The following BRSK2 variants were observed in gnomAD, a reference collection of about 807,000 sequenced individuals.
The protein encoded by BRSK2 is BR serine/threonine kinase 2, also known as serine/threonine-protein kinase BRSK2.
Under a neutral mutation model 83.3 loss-of-function variants are expected in BRSK2, and 19 were observed. That is an observed-to-expected ratio of 0.23 (90% CI 0.16 to 0.33). BRSK2 has a LOEUF of 0.33. BRSK2 is among the 10% of genes least tolerant of loss of function. The pLI, the probability that BRSK2 is intolerant of heterozygous loss-of-function variation, is 1.00. For synonymous variants in BRSK2, 519 were observed against 435.4 expected (o/e 1.19, Z -2.39); for missense variants, 798 against 1,042.3 (o/e 0.77, Z 3.23).
rs371947756 is a variant in BRSK2 at position 1,436,606 on chromosome 11, G to A, written c.186+472G>A. 9.2e-3 allele frequency among the ~76,000 whole-genome samples: 1,397 copies of A among 152,284 alleles called. 23 individuals are homozygous for A. Among genetic ancestry groups the A allele is most frequent in the African/African-American group, 0.031 (1,298 of 41,562 alleles). On this transcript the variant is annotated intron_variant, in intron 2 of 19. Coordinates refer to ENST00000528841, the MANE Select transcript of BRSK2 (RefSeq NM_001256627.2). ...CATGGAGACCAGGCAGGCCCCCTGG[G>A]TGGAGGGTTTCTGGGCTGTGACCCA...
chr11:1,459,842 TC>T (rs386749682), intron 19 of BRSK2, among the ~76,000 whole-genome samples: 5 of 152,100 alleles, frequency 3.3e-5, no homozygotes, highest in African/African-American at 1.2e-4. Context: ...TCCATGCTTG[TC>T]CACCCATCTG....
chr11:1,459,515 C>T (rs1270599047), intron 19 of BRSK2: 1 of 499,090 alleles, frequency 2.0e-6, no homozygotes. Context: ...AGGCCTGAAG[C>T]CAGTGAGGGT....
At chr11:1,419,594 G>A (rs1287522196) in intron 1 of BRSK2, among the ~76,000 whole-genome samples, 2 of 152,176 alleles carry the variant, frequency 1.3e-5, no homozygotes, top group East Asian at 3.8e-4. Context: ...TAGCACACTG[G>A]TGCAATCAAC....
intron 1 of BRSK2, among the ~76,000 whole-genome samples, chr11:1,404,324 C>A (rs911594939): frequency 3.3e-5 from 5 of 152,228 alleles, no homozygotes; most frequent in Non-Finnish European, 5.9e-5. Context: ...TTTCCTGACC[C>A]TGCTCTCCTA....
intron 5 of BRSK2, 56 bp from the exon 6 acceptor site, chr11:1,443,050 G>C: frequency 6.6e-7 from 1 of 1,515,860 alleles, no homozygotes; most frequent in Non-Finnish European, 8.8e-7. Context: ...ATCACCCTGG[G>C]GGGAGGGCCT....
chr11:1,445,560 G>T lies in BRSK2; in HGVS notation c.978-11G>T. 6.3e-7 allele frequency: 1 copy of T among 1,584,140 alleles called. No individual in the cohort carries two copies. The highest frequency in any genetic ancestry group is 8.6e-7 in the Non-Finnish European group (1 of 1,165,658). On this transcript the variant is annotated splice_polypyrimidine_tract_variant and intron_variant, in intron 10 of 19. Transcript: ENST00000528841. ...TGTGCCAGCGCGTCTCGCGCCTCTC[G>T]CCCGCTGTAGGGAGAACCAGGAGAA...
In BRSK2 at chr11:1,438,446, C is replaced by A; in HGVS notation, c.272+55C>A. 6.5e-7 allele frequency: 1 copy of A among 1,528,628 alleles called. No homozygotes were observed. The highest frequency in any genetic ancestry group is 9.1e-7 in the Non-Finnish European group (1 of 1,104,572). The allele number at this position is 1,528,628 out of a possible 1,614,324, so 94.7% of individuals were successfully genotyped here. ...GTGGCGGAGGTGGCAGCTGTCGCTG[C>A]AGGGGTGGGTGTCTGGGGCTTGGGG... On this transcript the variant is annotated intron_variant, in intron 3 of 19. Transcript: ENST00000528841. The surrounding 1 kb of genome is among the most constrained non-coding windows in gnomAD (Gnocchi z 6.4).
At chr11:1,428,500 G>A (rs938583632) in intron 1 of BRSK2, among the ~76,000 whole-genome samples, 1 of 152,238 alleles carries the variant, frequency 6.6e-6, no homozygotes, top group African/African-American at 2.4e-5. Context: ...AGGGGTGAAG[G>A]GGCCCCACTC....
At chr11:1,444,324 T>C (rs1851734779) in intron 8 of BRSK2, among the ~76,000 whole-genome samples, 1 of 152,112 alleles carries the variant, frequency 6.6e-6, no homozygotes, top group Admixed American at 6.5e-5. Flanking sequence ...GGACCGCACG[T>C]GTCCACTTGA....
At chr11:1,452,975 C>G (rs113282692) in intron 15 of BRSK2, among the ~76,000 whole-genome samples, 1 of 152,320 alleles carries the variant, frequency 6.6e-6, no homozygotes, top group African/African-American at 2.4e-5. Context: ...GGGATGCATG[C>G]GGTTGTCTGG....
At chr11:1,426,892 C>T (rs1849296695) in intron 1 of BRSK2, among the ~76,000 whole-genome samples, 1 of 152,114 alleles carries the variant, frequency 6.6e-6, no homozygotes. Flanking sequence ...GACCACTCCG[C>T]CTGGTGGGAA....
At chr11:1,419,363 G>A (rs575641003) in intron 1 of BRSK2, among the ~76,000 whole-genome samples, 22 of 152,346 alleles carry the variant, frequency 1.4e-4, no homozygotes, top group Non-Finnish European at 2.5e-4. Context: ...TCCAGCCGCT[G>A]GCTGCCCGGG....
rs1846195199 is a variant in BRSK2, at chr11:1,454,244, T to C, written c.1545-241T>C. 2.3e-6 allele frequency: 1 copy of C among 435,240 alleles called. No homozygotes were observed. The highest frequency in any genetic ancestry group is 4.2e-6 in the Non-Finnish European group (1 of 235,352). 27.0% of individuals were successfully genotyped at this position (435,240 alleles called of 1,614,324 possible). ...GGCATATGGGCCAGGGTCAGGGCGT[T>C]AGGGCTTGGAGAAAGGTTAGGGTTG... On this transcript the variant is annotated intron_variant, in intron 15 of 19. Coordinates refer to ENST00000528841, the MANE Select transcript of BRSK2 (RefSeq NM_001256627.2). The surrounding 1 kb of genome is among the most constrained non-coding windows in gnomAD (Gnocchi z 5.2).
At chr11:1,446,071 G>GGCTGGGCTGGGCTGGGCTTA (rs1268201394) in intron 12 of BRSK2, among the ~76,000 whole-genome samples, 164 bp downstream of exon 12, 1 of 144,082 alleles carries the variant, frequency 6.9e-6, no homozygotes, top group African/African-American at 2.7e-5. Flanking sequence ...GGCTGGGCTT[G>GGCTGGGCTGGGCTGGGCTTA]GCTGGGCTGG....
chr11:1,395,565 CGTT>C (rs1564790024), intron 1 of BRSK2, among the ~76,000 whole-genome samples: 1 of 152,186 alleles, frequency 6.6e-6, no homozygotes, highest in African/African-American at 2.4e-5. Flanking sequence ...GCGGGAGGGT[CGTT>C]GGAGGCGGGA....
At chr11:1,427,548 G>A (rs117910326) in intron 1 of BRSK2, among the ~76,000 whole-genome samples, 3,587 of 152,244 alleles carry the variant, frequency 0.024, 58 homozygotes, top group Non-Finnish European at 0.033. Context: ...TGTGGGGGGC[G>A]CAGGGAGACC....
chr11:1,397,237 CAGGCTG>C (rs1846188002), intron 1 of BRSK2, among the ~76,000 whole-genome samples: 1 of 152,214 alleles, frequency 6.6e-6, no homozygotes, highest in African/African-American at 2.4e-5. Flanking sequence ...TCCGCCGGGC[CAGGCTG>C]CCCTGAGCCA....
Position 1,456,337 on chromosome 11 carries a change from T to C in BRSK2, c.1669-11T>C. The C allele has an allele frequency of 6.5e-6, 10 of 1,549,274 alleles. No individual in the cohort carries two copies. Among genetic ancestry groups the C allele is most frequent in the Non-Finnish European group, 8.7e-6 (10 of 1,147,194 alleles). ...CAGGCCAGCCACGCTCACGCTGCTC[T>C]CTCTCCACAGATTCCCAGTCTCAGC... On this transcript the variant is annotated splice_polypyrimidine_tract_variant and intron_variant, in intron 16 of 19. Transcript: ENST00000528841.
chr11:1,456,870 GGC>G (rs1846630150), intron 18 of BRSK2, 183 bp downstream of exon 18: 23 of 1,483,918 alleles, frequency 1.5e-5, no homozygotes, highest in Non-Finnish European at 2.1e-5. Flanking sequence ...TCCCTGGCCT[GGC>G]GGGACCACCC....
Sources: gnomAD v4.1 joint callset for allele counts (sites outside exome capture counted in the v4.1 genomes callset) on GRCh38, gnomAD v4.1.1 for gene constraint, Gnocchi (gnomAD v3.1) non-coding constraint, MANE v1.5 for transcripts, NCBI Gene and HGNC (gene_info 2026-07-23, HGNC 2026-07-21) for gene names.